UST: variants seen among roughly 807,000 people sequenced by gnomAD.
The protein encoded by UST is chondroitin sulfate 2-O-sulfotransferase.
A neutral mutation model predicts 45.6 loss-of-function variants in UST; 21 were observed. The ratio of observed to expected loss-of-function variants is 0.46; its 90% CI spans 0.33 to 0.66. The LOEUF (loss-of-function observed/expected upper bound fraction) is 0.66, where lower values mean the gene tolerates loss of function less well. UST is among the 30% of genes least tolerant of loss of function. The pLI, the probability that UST is intolerant of heterozygous loss-of-function variation, is 0.02. For missense variants in UST, 463 were observed against 512.4 expected, an observed-to-expected ratio of 0.90 and a Z score of 0.93; for synonymous variants, 215 against 200.6, an observed-to-expected ratio of 1.07 and a Z score of -0.61.
intron 7 of UST, among the ~76,000 whole-genome samples, chr6:149,060,689 C>T (rs764755566): frequency 2.0e-5 from 3 of 152,124 alleles, no homozygotes; most frequent in Non-Finnish European, 4.4e-5. Flanking sequence ...TCCACTTGAC[C>T]GTGACTTTCG....
intron 1 of UST, among the ~76,000 whole-genome samples, chr6:148,854,639 G>C (rs1778167605): frequency 6.6e-6 from 1 of 151,938 alleles, no homozygotes; most frequent in Non-Finnish European, 1.5e-5. Context: ...TATTGCCTTG[G>C]AATAAAAATA....
intron 1 of UST, among the ~76,000 whole-genome samples, chr6:148,774,554 T>G (rs949563624): frequency 6.6e-6 from 1 of 152,194 alleles, no homozygotes; most frequent in African/African-American, 2.4e-5. Context: ...CTACATAGTT[T>G]TGTCATGTAG....
intron 5 of UST, among the ~76,000 whole-genome samples, chr6:148,989,840 G>A (rs981096438): frequency 2.6e-5 from 4 of 152,166 alleles, no homozygotes; most frequent in Admixed American, 6.5e-5. Flanking sequence ...AATTCACATG[G>A]TAAATAACAA....
intron 5 of UST, among the ~76,000 whole-genome samples, chr6:149,001,942 A>G (rs1781556990): frequency 1.3e-5 from 2 of 152,204 alleles, no homozygotes. Context: ...TTCATGCTTT[A>G]TTAGAAAAAA....
intron 7 of UST, among the ~76,000 whole-genome samples, chr6:149,047,470 A>T (rs143567864): frequency 2.8e-4 from 42 of 152,236 alleles, no homozygotes; most frequent in Non-Finnish European, 4.9e-4. Flanking sequence ...ACACATTTTC[A>T]TAATCATTTA....
Position 148,887,045 on chromosome 6 carries a change from G to T in UST, c.291+16G>T, listed in dbSNP as rs1231006736. 3 of 1,605,960 alleles carry T rather than the reference G, an allele frequency of 1.9e-6. No individual in the cohort carries two copies. Among genetic ancestry groups the T allele is most frequent in the South Asian group, 1.1e-5 (1 of 90,034 alleles). Reference sequence around the variant, plus strand: ...TCCTAGTAAGGTAAGATCTTTGCTTGTGATATAAGTCCCCTTTTTCTTTTA... The same window carrying T: ...TCCTAGTAAGGTAAGATCTTTGCTTTTGATATAAGTCCCCTTTTTCTTTTA... On this transcript the variant is annotated intron_variant, in intron 2 of 7. Transcript: ENST00000367463.
chr6:148,821,260 C>G (rs1230791001), intron 1 of UST, among the ~76,000 whole-genome samples: 1 of 151,890 alleles, frequency 6.6e-6, no homozygotes, highest in Non-Finnish European at 1.5e-5. Context: ...CATGAGCCAC[C>G]GCACCTGGCT....
At chr6:148,891,447 T>G (rs1399578549) in intron 2 of UST, among the ~76,000 whole-genome samples, 1 of 152,280 alleles carries the variant, frequency 6.6e-6, no homozygotes, top group Non-Finnish European at 1.5e-5. Context: ...CCACACACTA[T>G]GCTAAGCACT....
intron 1 of UST, among the ~76,000 whole-genome samples, chr6:148,829,214 C>T (rs1374063455): frequency 1.3e-5 from 2 of 152,112 alleles, no homozygotes; most frequent in Admixed American, 1.3e-4. Context: ...TTAAGATTAA[C>T]CATGTTTCAC....
rs1779025424 is a variant in UST, at chr6:148,891,904, C to G, written c.291+4875C>G. Among the ~76,000 whole-genome samples, 3 of 152,264 alleles carry G rather than the reference C, an allele frequency of 2.0e-5. No individual in the cohort carries two copies. In the South Asian group the frequency reaches 6.2e-4, roughly 32 times the overall value. On this transcript the variant is annotated intron_variant, in intron 2 of 7. Transcript: ENST00000367463. Reference sequence around the variant, plus strand: ...CAGTAACCTTTGTATACTTAGCTACCTTCAGCACCTGAACGTTTTCAAACT... The same window carrying G: ...CAGTAACCTTTGTATACTTAGCTACGTTCAGCACCTGAACGTTTTCAAACT...
At chr6:149,046,288 G>T (rs1776394614) in intron 7 of UST, among the ~76,000 whole-genome samples, 1 of 152,200 alleles carries the variant, frequency 6.6e-6, no homozygotes. Flanking sequence ...CACAATTAGT[G>T]TTATAAGTTG....
intron 1 of UST, among the ~76,000 whole-genome samples, chr6:148,827,704 CT>C (rs1777599121): frequency 7.0e-6 from 1 of 142,676 alleles, no homozygotes; most frequent in Non-Finnish European, 1.5e-5. Flanking sequence ...ATTTTCTTAA[CT>C]TTGAAATTAT....
chr6:148,960,818 C>T lies in UST; in HGVS notation c.528-3592C>T, dbSNP rs181140747. Among the ~76,000 whole-genome samples the T allele has an allele frequency of 3.8e-3, 582 of 152,254 alleles. 6 individuals are homozygous for T. Among genetic ancestry groups the T allele is most frequent in the African/African-American group, 0.013 (555 of 41,532 alleles). On this transcript the variant is annotated intron_variant, in intron 4 of 7. Transcript: ENST00000367463. ...GGAGTACAAAACAGTCTTAATTCTC[C>T]GGGATAATTCTGGTCTTAAGTATTG...
In UST at chr6:148,875,376, T is replaced by C. The variant is rs532311852; in HGVS notation, c.248-11610T>C. Among the ~76,000 whole-genome samples the C allele has an allele frequency of 2.0e-5, 3 of 152,342 alleles. No homozygotes were observed. In the East Asian group the frequency reaches 5.8e-4, roughly 29 times the overall value. Reference sequence around the variant, plus strand: ...TTTTTTGTAAATTTTAGAAGATATATCAAGACAGTATTGGAAAGTAATAGA... The same window carrying C: ...TTTTTTGTAAATTTTAGAAGATATACCAAGACAGTATTGGAAAGTAATAGA... On this transcript the variant is annotated intron_variant, in intron 1 of 7. Transcript: ENST00000367463.
At position 149,007,514 on chromosome 6, in the gene UST, T is replaced by A. The variant is rs559812535; in HGVS notation, c.682-11625T>A. Among the ~76,000 whole-genome samples, 3 of 150,252 alleles carry A rather than the reference T, an allele frequency of 2.0e-5. No individual in the cohort carries two copies. The South Asian group carries it at 6.3e-4, about 32-fold the overall frequency. ...ACGGGGTTTCACCATGGTCTCGATC[T>A]CCTGACCTCATGATCCGCCCGTCTC... is the stretch of plus-strand genomic sequence containing the variant. On this transcript the variant is annotated intron_variant, in intron 5 of 7. Transcript: ENST00000367463.
At chr6:148,889,592 A>G (rs370175948) in intron 2 of UST, among the ~76,000 whole-genome samples, 52 of 152,230 alleles carry the variant, frequency 3.4e-4, no homozygotes, top group African/African-American at 7.9e-4. Context: ...GGCTCTGTCA[A>G]TGGGACCCAT....
chr6:149,063,229 C>T (rs373894561), intron 7 of UST, among the ~76,000 whole-genome samples: 2 of 152,276 alleles, frequency 1.3e-5, no homozygotes, highest in African/African-American at 4.8e-5. Flanking sequence ...CTATTGTGTT[C>T]TTTAAATAGA....
chr6:148,953,482 A>C (rs1051582742), intron 3 of UST, among the ~76,000 whole-genome samples: 1 of 152,208 alleles, frequency 6.6e-6, no homozygotes, highest in Non-Finnish European at 1.5e-5. Flanking sequence ...ATAAGTGGGA[A>C]TAAAAAGAGT....
Position 148,945,672 on chromosome 6 carries a change from C to T in UST, c.447+4238C>T, listed in dbSNP as rs1036192580. 2.6e-5 allele frequency among the ~76,000 whole-genome samples: 4 copies of T among 152,164 alleles called. 1 individual carries two copies. The highest frequency in any genetic ancestry group is 2.0e-4 in the Admixed American group (3 of 15,278). On this transcript the variant is annotated intron_variant, in intron 3 of 7. Coordinates refer to ENST00000367463, the MANE Select transcript of UST (RefSeq NM_005715.3). The stretch of plus-strand genomic sequence containing the variant: ...AATGAATCAATTCACGATGATTATT[C>T]GCATTTTGAAGACTTCGAAAATTAA...
Sources: gnomAD v4.1 joint callset for allele counts (sites outside exome capture counted in the v4.1 genomes callset) on GRCh38, gnomAD v4.1.1 for gene constraint, MANE v1.5 for transcripts, NCBI Gene and HGNC (gene_info 2026-07-23, HGNC 2026-07-21) for gene names.